Variants in CADPS2 observed in about 807,000 individuals in gnomAD.
The protein encoded by CADPS2 is calcium-dependent secretion activator 2.
CADPS2 carries 93 observed loss-of-function variants against 172.5 expected under a neutral mutation model. The observed-to-expected ratio is 0.54, with a 90% confidence interval of 0.46 to 0.64. CADPS2 has a LOEUF of 0.64. Among genes scored for constraint, CADPS2 ranks in the 30% least tolerant of loss-of-function variants. CADPS2 has a pLI of 0.00. For missense variants in CADPS2, 1,420 were observed against 1,565.9 expected (o/e 0.91, Z 1.57); for synonymous variants, 546 against 555.2 (o/e 0.98, Z 0.23).
intron 14 of CADPS2, among the ~76,000 whole-genome samples, chr7:122,466,176 A>G (rs139859024): frequency 6.6e-6 from 1 of 152,300 alleles, no homozygotes; most frequent in Non-Finnish European, 1.5e-5. Context: ...TCTAATATAT[A>G]CTAAAAAATT....
intron 1 of CADPS2, among the ~76,000 whole-genome samples, chr7:122,835,504 C>T (rs763694209): frequency 3.9e-5 from 6 of 152,166 alleles, no homozygotes; most frequent in East Asian, 1.9e-4. Context: ...GGCAGAAGTT[C>T]GAACCCAACG....
At chr7:122,589,048 T>A (rs2070278468) in intron 6 of CADPS2, among the ~76,000 whole-genome samples, 1 of 151,992 alleles carries the variant, frequency 6.6e-6, no homozygotes, top group Non-Finnish European at 1.5e-5. Flanking sequence ...TTTATGCCAA[T>A]GAGCTGTAGT....
chr7:122,778,534 G>A (rs982986149), intron 1 of CADPS2, among the ~76,000 whole-genome samples: 7 of 152,126 alleles, frequency 4.6e-5, no homozygotes, highest in African/African-American at 1.4e-4. Flanking sequence ...CCCATCATAG[G>A]CCCAGAGGCC....
intron 2 of CADPS2, among the ~76,000 whole-genome samples, chr7:122,686,081 A>G (rs1299657110): frequency 6.6e-6 from 1 of 152,176 alleles, no homozygotes; most frequent in African/African-American, 2.4e-5. Flanking sequence ...TAGTATATTG[A>G]TATCAGATCT....
At chr7:122,489,523 T>C (rs1329823981) in intron 11 of CADPS2, among the ~76,000 whole-genome samples, 2 of 152,156 alleles carry the variant, frequency 1.3e-5, no homozygotes, top group African/African-American at 4.8e-5. Context: ...TCATTTAAAA[T>C]TAAAAATTTA....
chr7:122,716,322 T>G (rs2136917976), intron 2 of CADPS2, among the ~76,000 whole-genome samples: 1 of 152,184 alleles, frequency 6.6e-6, no homozygotes. Context: ...ATTTCTGATA[T>G]CTAAAACAAT....
At chr7:122,450,486 T>C (rs2052920150) in intron 15 of CADPS2, among the ~76,000 whole-genome samples, 1 of 151,472 alleles carries the variant, frequency 6.6e-6, no homozygotes, top group African/African-American at 2.4e-5. Context: ...TCTTTTACTC[T>C]GTAAATGTTT....
chr7:122,673,308 T>G (rs1669370349), intron 2 of CADPS2, among the ~76,000 whole-genome samples: 1 of 152,224 alleles, frequency 6.6e-6, no homozygotes, highest in African/African-American at 2.4e-5. Flanking sequence ...ATCCACATCC[T>G]GCAGATTGGT....
intron 3 of CADPS2, among the ~76,000 whole-genome samples, chr7:122,631,458 T>C (rs2076567426): frequency 6.6e-6 from 1 of 152,280 alleles, no homozygotes; most frequent in Middle Eastern, 3.4e-3. Flanking sequence ...TTTTTCTTTT[T>C]GTGGAGATGG....
chr7:122,368,711 T>C (rs188997598), intron 25 of CADPS2, among the ~76,000 whole-genome samples: 1 of 152,328 alleles, frequency 6.6e-6, no homozygotes, highest in Admixed American at 6.5e-5. Flanking sequence ...ATAAAAATGT[T>C]TGAAAAGTCC....
At chr7:122,645,963 TATCTC>T (rs1054824989) in intron 3 of CADPS2, among the ~76,000 whole-genome samples, 1 of 151,814 alleles carries the variant, frequency 6.6e-6, no homozygotes, top group Non-Finnish European at 1.5e-5. Flanking sequence ...TAACTATACT[TATCTC>T]AATAAAATAG....
chr7:122,457,019 A>G (rs1456830085), intron 14 of CADPS2, among the ~76,000 whole-genome samples: 1 of 152,222 alleles, frequency 6.6e-6, no homozygotes, highest in Non-Finnish European at 1.5e-5. Flanking sequence ...CTCTAAATTG[A>G]AAAAGGTATT....
chr7:122,360,149 G>A (rs2039940243), intron 27 of CADPS2, among the ~76,000 whole-genome samples: 1 of 152,124 alleles, frequency 6.6e-6, no homozygotes, highest in Admixed American at 6.5e-5. Flanking sequence ...TCATATAGGT[G>A]ATAATAGAAT....
At position 122,691,347 on chromosome 7, in the gene CADPS2, T is replaced by C. The variant is rs551004994; in HGVS notation, c.454-27778A>G. On this transcript the variant is annotated intron_variant, in intron 2 of 29. Transcript: ENST00000449022. ...TAATGAACACTGGAGCTCAGCTCCC[T>C]TCCACAGCTAGGACTAAAAGCCTGT... Among the ~76,000 whole-genome samples, 43 of 152,368 alleles carry C rather than the reference T, an allele frequency of 2.8e-4. No homozygotes were observed. In the East Asian group the frequency reaches 8.1e-3, roughly 29 times the overall value.
At chr7:122,629,355 T>A (rs1210111114) in intron 3 of CADPS2, 27 bp from the exon 4 acceptor site, 2 of 1,570,384 alleles carry the variant, frequency 1.3e-6, no homozygotes, top group Non-Finnish European at 1.7e-6. Context: ...AAGTTACACA[T>A]ATGTAATTAC....
intron 2 of CADPS2, among the ~76,000 whole-genome samples, chr7:122,697,313 A>C (rs1175750359): frequency 6.6e-6 from 1 of 152,170 alleles, no homozygotes; most frequent in Non-Finnish European, 1.5e-5. Flanking sequence ...ACAGCACAAT[A>C]ACCTCACAAC....
At chr7:122,767,836 A>G (rs959649127) in intron 1 of CADPS2, among the ~76,000 whole-genome samples, 2 of 152,202 alleles carry the variant, frequency 1.3e-5, no homozygotes, top group African/African-American at 4.8e-5. Flanking sequence ...GTTTTATAGT[A>G]GAACGTAGAT....
rs927819056 is a variant in CADPS2, at chr7:122,588,142, T to G, written c.1224-6852A>C. Among the ~76,000 whole-genome samples, 2 of 152,136 alleles carry G rather than the reference T, an allele frequency of 1.3e-5. 1 individual carries two copies. Among genetic ancestry groups the G allele is most frequent in the Admixed American group, 1.3e-4 (2 of 15,254 alleles). Reference sequence around the variant, plus strand: ...GCTCGAATGGATGGATTGCAACGATTTTCTCCCACTCTGTAGGCTGTCTGT... The same window carrying G: ...GCTCGAATGGATGGATTGCAACGATGTTCTCCCACTCTGTAGGCTGTCTGT... On this transcript the variant is annotated intron_variant, in intron 6 of 29. Transcript: ENST00000449022.
chr7:122,652,176 A>G (rs909003203), intron 3 of CADPS2, among the ~76,000 whole-genome samples: 36 of 152,314 alleles, frequency 2.4e-4, no homozygotes, highest in African/African-American at 8.4e-4. Flanking sequence ...AAACCTTGCA[A>G]AAATCTAGGT....
Sources: gnomAD v4.1 joint callset for allele counts (sites outside exome capture counted in the v4.1 genomes callset) on GRCh38, gnomAD v4.1.1 for gene constraint, MANE v1.5 for transcripts, NCBI Gene and HGNC (gene_info 2026-07-23, HGNC 2026-07-21) for gene names.